ADCK1: variants seen among roughly 807,000 people sequenced by gnomAD.
ADCK1 encodes aarF domain containing kinase 1, also known as aarF domain-containing protein kinase 1.
In ADCK1, 41 loss-of-function variants were observed where a neutral mutation model predicts 52.3. That is an observed-to-expected ratio of 0.78 (90% CI 0.61 to 1.02). The LOEUF (loss-of-function observed/expected upper bound fraction) is 1.02. Ranked by LOEUF, ADCK1 falls within the 50% of genes least tolerant of loss-of-function variation. The pLI is 0.00. For missense variants in ADCK1, 658 were observed against 679.5 expected, an observed-to-expected ratio of 0.97 and a Z score of 0.35; for synonymous variants, 250 against 274.6, an observed-to-expected ratio of 0.91 and a Z score of 0.89.
intron 4 of ADCK1, among the ~76,000 whole-genome samples, chr14:77,879,747 TG>T (rs958481959): frequency 2.0e-5 from 3 of 152,048 alleles, no homozygotes; most frequent in Non-Finnish European, 4.4e-5. Context: ...TTGCAGTCTC[TG>T]GGGAAATGAG....
intron 5 of ADCK1, among the ~76,000 whole-genome samples, chr14:77,893,410 C>T (rs185885036): frequency 4.6e-5 from 7 of 152,086 alleles, no homozygotes; most frequent in Non-Finnish European, 2.9e-5. Context: ...ACCATAATCT[C>T]CAGGTCCTAA....
chr14:77,817,788 T>A (rs901609679), intron 1 of ADCK1, among the ~76,000 whole-genome samples: 10 of 151,018 alleles, frequency 6.6e-5, no homozygotes, highest in Admixed American at 1.3e-4. Flanking sequence ...CAGGCTGGAG[T>A]GCAGTGGCGC....
intron 7 of ADCK1, 131 bp downstream of exon 7, chr14:77,908,050 G>C: frequency 1.4e-6 from 1 of 703,128 alleles, no homozygotes; most frequent in Non-Finnish European, 2.4e-6. Flanking sequence ...CCATTGTCTG[G>C]AGAATTATAA....
At chr14:77,888,312 G>T (rs762830817) in intron 5 of ADCK1, among the ~76,000 whole-genome samples, 19 of 152,116 alleles carry the variant, frequency 1.2e-4, no homozygotes, top group Non-Finnish European at 2.6e-4. Context: ...GATGAGGCTG[G>T]GAAGGTAGGT....
intron 5 of ADCK1, among the ~76,000 whole-genome samples, chr14:77,896,475 A>G (rs1203402412): frequency 6.6e-6 from 1 of 152,382 alleles, no homozygotes; most frequent in East Asian, 1.9e-4. Context: ...AGATTGGAGC[A>G]AAATGCTGGA....
At chr14:77,921,326 CAAAAAAAAAAAA>C (rs756056466) in intron 7 of ADCK1, among the ~76,000 whole-genome samples, 1 of 41,208 alleles carries the variant, frequency 2.4e-5, no homozygotes, top group Non-Finnish European at 4.9e-5. Context: ...GACTCTGTCT[CAAAAAAAAAAAA>C]AAAAAAAAAA....
chr14:77,852,895 ATATATATATATATTTTTTTTTT>A (rs1484041096), intron 3 of ADCK1, among the ~76,000 whole-genome samples: 13 of 32,132 alleles, frequency 4.0e-4, no homozygotes, highest in Admixed American at 2.5e-3. Flanking sequence ...ATATATATAT[ATATATATATATATTTTTTTTTT>A]TTTTTTTTTT....
intron 1 of ADCK1, among the ~76,000 whole-genome samples, chr14:77,806,917 G>A (rs1337696198): frequency 2.0e-5 from 3 of 151,908 alleles, no homozygotes; most frequent in African/African-American, 7.3e-5. Context: ...GTTTCACCAT[G>A]TTGCCTGAGC....
intron 3 of ADCK1, among the ~76,000 whole-genome samples, chr14:77,824,188 A>T (rs895898749): frequency 6.6e-6 from 1 of 152,180 alleles, no homozygotes; most frequent in Non-Finnish European, 1.5e-5. Flanking sequence ...GTGAGCCACC[A>T]TGCCTGGCTT....
intron 2 of ADCK1, 83 bp downstream of exon 2, chr14:77,819,196 G>A (rs2140029873): frequency 6.4e-7 from 1 of 1,571,126 alleles, no homozygotes; most frequent in Non-Finnish European, 8.7e-7. Context: ...AGACATGCCT[G>A]CTATGCATAT....
chr14:77,829,127 G>T (rs754740046), intron 3 of ADCK1, among the ~76,000 whole-genome samples: 6 of 151,062 alleles, frequency 4.0e-5, no homozygotes, highest in Non-Finnish European at 8.9e-5. Flanking sequence ...CCTGGTTCCT[G>T]TTACTGGAGA....
intron 5 of ADCK1, among the ~76,000 whole-genome samples, chr14:77,894,736 G>GGTTTTTTTTTTTTTTTTT (rs71128702): frequency 2.7e-5 from 1 of 36,484 alleles, no homozygotes; most frequent in Non-Finnish European, 5.9e-5. Flanking sequence ...TTCTTTTCTT[G>GGTTTTTTTTTTTTTTTTT]TTTTTTTTTT....
intron 4 of ADCK1, among the ~76,000 whole-genome samples, chr14:77,882,204 G>C (rs1260420283): frequency 6.6e-6 from 1 of 152,210 alleles, no homozygotes; most frequent in Non-Finnish European, 1.5e-5. Flanking sequence ...ACAGATACTT[G>C]TCTCTCTGCT....
rs764520618 is a variant in ADCK1 at position 77,899,195 on chromosome 14, C to T, written c.678C>T (p.Phe226=). The T allele has an allele frequency of 1.2e-6, 2 of 1,614,140 alleles. No individual in the cohort carries two copies. Among genetic ancestry groups the T allele is most frequent in the South Asian group, 1.1e-5 (1 of 91,072 alleles). The change falls in exon 6 of 11, where the codon TTC becomes TTT. Residue 226 remains phenylalanine, a synonymous_variant. Coordinates refer to ENST00000238561, the MANE Select transcript of ADCK1 (RefSeq NM_020421.4). Reference sequence around the variant, plus strand: ...AGAACCTGCCTTTGGAGCTGGATTTCCTCAATGAAGGGAGGAATGCTGAGA... The same window carrying T: ...AGAACCTGCCTTTGGAGCTGGATTTTCTCAATGAAGGGAGGAATGCTGAGA... ...AKKNLPLELD[F]LNEGRNAEKV... is the part of the protein sequence containing the mutation.
In ADCK1 at chr14:77,931,538, C is replaced by T. The variant is rs139959248; in HGVS notation, c.1227C>T (p.Asn409=). Residue 409 remains asparagine, a synonymous_variant, in exon 10 of 11, where the codon AAC becomes AAT. Coordinates refer to ENST00000238561, the MANE Select transcript of ADCK1 (RefSeq NM_020421.4). ...TATEDLEIRN[N]AANYLPQISH... is the part of the protein sequence containing the mutation. ...TTCAGGACTTAGAGATTCGCAACAA[C>T]GCGGCCAACTACCTCCCCCAGATCA... is the stretch of plus-strand genomic sequence containing the variant. The T allele has an allele frequency of 1.3e-4, 211 of 1,613,780 alleles. No homozygotes were observed. The African/African-American group carries it at 2.2e-3, about 17-fold the overall frequency.
At chr14:77,930,139 AG>A (rs1263599685) in intron 9 of ADCK1, among the ~76,000 whole-genome samples, 1 of 151,966 alleles carries the variant, frequency 6.6e-6, no homozygotes, top group Non-Finnish European at 1.5e-5. Flanking sequence ...CCGTGCTGAG[AG>A]GGGGGTCCCT....
intron 5 of ADCK1, among the ~76,000 whole-genome samples, chr14:77,896,855 A>T (rs1181461699): frequency 6.6e-6 from 1 of 152,236 alleles, no homozygotes; most frequent in Non-Finnish European, 1.5e-5. Context: ...TGTAATTAAA[A>T]GAAGTTTTGG....
intron 5 of ADCK1, among the ~76,000 whole-genome samples, chr14:77,890,837 T>A (rs1002549299): frequency 6.6e-6 from 1 of 152,084 alleles, no homozygotes; most frequent in Non-Finnish European, 1.5e-5. Context: ...GTTAGGGTAG[T>A]GGTCAGAGCA....
intron 4 of ADCK1, among the ~76,000 whole-genome samples, chr14:77,876,102 G>A (rs923893947): frequency 2.0e-5 from 3 of 152,214 alleles, no homozygotes; most frequent in African/African-American, 7.2e-5. Flanking sequence ...CACATTGCAT[G>A]GTTTCAGTCA....
Sources: gnomAD v4.1 joint callset for allele counts (sites outside exome capture counted in the v4.1 genomes callset) on GRCh38, gnomAD v4.1.1 for gene constraint, MANE v1.5 for transcripts, NCBI Gene and HGNC (gene_info 2026-07-23, HGNC 2026-07-21) for gene names.